Variants in AGBL4 observed in about 807,000 individuals in gnomAD.
AGBL4 encodes the protein cytosolic carboxypeptidase 6.
A neutral mutation model predicts 66.4 loss-of-function variants in AGBL4; 58 were observed. The ratio of observed to expected loss-of-function variants is 0.87; its 90% CI spans 0.71 to 1.09. The LOEUF (loss-of-function observed/expected upper bound fraction) is 1.09. Among genes scored for constraint, AGBL4 ranks in the 50% least tolerant of loss-of-function variants. The probability of loss-of-function intolerance (pLI) is 0.00; values close to 1 mark genes in which losing one functional copy is unlikely to be tolerated. For synonymous variants in AGBL4, 234 were observed against 222.9 expected (o/e 1.05, Z -0.44); for missense variants, 579 against 631.0 (o/e 0.92, Z 0.88).
At chr1:49,540,487 A>G (rs1057021963) in intron 3 of AGBL4, among the ~76,000 whole-genome samples, 1 of 152,188 alleles carries the variant, frequency 6.6e-6, no homozygotes, top group Non-Finnish European at 1.5e-5. Flanking sequence ...TACCTTCTAA[A>G]TAGCCAAAAC....
intron 9 of AGBL4, among the ~76,000 whole-genome samples, chr1:48,625,090 C>CTCCTTCCT (rs66798647): frequency 0.039 from 5,540 of 140,296 alleles, 155 homozygotes; most frequent in African/African-American, 0.056. Context: ...TTTTTTCTTT[C>CTCCTTCCT]TCCTTCCTTC....
At chr1:49,309,274 G>A (rs1221614025) in intron 3 of AGBL4, among the ~76,000 whole-genome samples, 1 of 152,012 alleles carries the variant, frequency 6.6e-6, no homozygotes, top group Non-Finnish European at 1.5e-5. Context: ...TTGTGTACAT[G>A]TACCTCTTAA....
At chr1:49,712,658 T>C (rs572252916) in intron 2 of AGBL4, among the ~76,000 whole-genome samples, 1 of 151,952 alleles carries the variant, frequency 6.6e-6, no homozygotes, top group South Asian at 2.1e-4. Flanking sequence ...TTCATGATTA[T>C]AGAAACCATT....
intron 4 of AGBL4, among the ~76,000 whole-genome samples, chr1:49,221,347 C>A (rs956554955): frequency 6.6e-6 from 1 of 152,234 alleles, no homozygotes; most frequent in East Asian, 1.9e-4. Flanking sequence ...CCTTCAGAGG[C>A]ACTGAAGTCC....
At chr1:49,736,717 A>G (rs1420257770) in intron 2 of AGBL4, among the ~76,000 whole-genome samples, 1 of 152,174 alleles carries the variant, frequency 6.6e-6, no homozygotes, top group Non-Finnish European at 1.5e-5. Flanking sequence ...AACTATCAAC[A>G]GAGCAAACAG....
intron 5 of AGBL4, among the ~76,000 whole-genome samples, chr1:48,996,720 T>G (rs1348976332): frequency 1.3e-5 from 2 of 151,938 alleles, no homozygotes; most frequent in Non-Finnish European, 2.9e-5. Flanking sequence ...GTGGAAAGGA[T>G]GAGTATAGAT....
chr1:49,242,441 A>C (rs1293838882), intron 4 of AGBL4, among the ~76,000 whole-genome samples: 1 of 152,008 alleles, frequency 6.6e-6, no homozygotes, highest in African/African-American at 2.4e-5. Flanking sequence ...TAAACTTGGA[A>C]TCATGTGATT....
chr1:49,122,180 C>A (rs2148047468), intron 4 of AGBL4, among the ~76,000 whole-genome samples: 1 of 152,316 alleles, frequency 6.6e-6, no homozygotes, highest in East Asian at 1.9e-4. Flanking sequence ...TGAGGCAACG[C>A]CCTGCCCTGC....
intron 6 of AGBL4, among the ~76,000 whole-genome samples, chr1:48,814,674 C>T (rs1403761823): frequency 6.7e-6 from 1 of 150,236 alleles, no homozygotes; most frequent in Non-Finnish European, 1.5e-5. Context: ...ACTTTCTGTT[C>T]CCGGCTTATT....
intron 3 of AGBL4, among the ~76,000 whole-genome samples, chr1:49,655,358 C>A (rs1371258499): frequency 2.0e-5 from 3 of 152,186 alleles, no homozygotes; most frequent in African/African-American, 7.2e-5. Context: ...TTCTCTCTGG[C>A]TGCCCTTAAC....
At chr1:48,897,915 T>C (rs775848558) in intron 5 of AGBL4, among the ~76,000 whole-genome samples, 1 of 151,654 alleles carries the variant, frequency 6.6e-6, no homozygotes, top group Non-Finnish European at 1.5e-5. Context: ...GTTCAAGCGA[T>C]TCTCCTGCCT....
At chr1:49,213,606 T>C (rs1648846082) in intron 4 of AGBL4, among the ~76,000 whole-genome samples, 1 of 152,142 alleles carries the variant, frequency 6.6e-6, no homozygotes, top group South Asian at 2.1e-4. Context: ...GCTGGTGCTA[T>C]GCTTCCTGTA....
At chr1:49,912,547 A>G (rs1186760761) in intron 1 of AGBL4, among the ~76,000 whole-genome samples, 2 of 152,206 alleles carry the variant, frequency 1.3e-5, no homozygotes, top group African/African-American at 4.8e-5. Flanking sequence ...TTTATCAGAA[A>G]CTGGAGTACA....
intron 2 of AGBL4, chr1:49,844,965 T>A (rs1646098129): frequency 2.2e-6 from 3 of 1,375,172 alleles, no homozygotes; most frequent in African/African-American, 1.4e-5. Context: ...ATTTCCTACA[T>A]CAACCAATGA....
At chr1:49,755,940 C>T (rs931436717) in intron 2 of AGBL4, among the ~76,000 whole-genome samples, 2 of 152,178 alleles carry the variant, frequency 1.3e-5, no homozygotes, top group Admixed American at 1.3e-4. Flanking sequence ...TCCCTGTTAT[C>T]TGGCTCCTTT....
chr1:48,838,525 TA>T (rs1467200956), intron 6 of AGBL4, among the ~76,000 whole-genome samples: 1 of 152,020 alleles, frequency 6.6e-6, no homozygotes, highest in Non-Finnish European at 1.5e-5. Flanking sequence ...TCACCATATA[TA>T]AAAATCAAAT....
At chr1:48,643,800 T>C (rs1486323515) in intron 8 of AGBL4, among the ~76,000 whole-genome samples, 1 of 152,158 alleles carries the variant, frequency 6.6e-6, no homozygotes, top group Non-Finnish European at 1.5e-5. Context: ...CGTTTGGGCC[T>C]AGCCCCTCCT....
chr1:48,860,207 G>A (rs1370815224), intron 6 of AGBL4, among the ~76,000 whole-genome samples: 1 of 152,106 alleles, frequency 6.6e-6, no homozygotes, highest in Non-Finnish European at 1.5e-5. Context: ...TTTCTAAAAA[G>A]TAAAGAAGAA....
chr1:49,404,586 C>T (rs1054621804), intron 3 of AGBL4, among the ~76,000 whole-genome samples: 1 of 152,138 alleles, frequency 6.6e-6, no homozygotes, highest in African/African-American at 2.4e-5. Context: ...ACTATATGAT[C>T]CTTGAGGGTA....
Sources: gnomAD v4.1 joint callset for allele counts (sites outside exome capture counted in the v4.1 genomes callset) on GRCh38, gnomAD v4.1.1 for gene constraint, MANE v1.5 for transcripts, NCBI Gene and HGNC (gene_info 2026-07-23, HGNC 2026-07-21) for gene names.